AOPEP: variants seen among roughly 807,000 people sequenced by gnomAD.
The protein encoded by AOPEP is aminopeptidase O.
Under a neutral mutation model 98.1 loss-of-function variants are expected in AOPEP, and 77 were observed. The observed-to-expected ratio is 0.78, with a 90% CI of 0.65 to 0.95. AOPEP has a LOEUF of 0.95. AOPEP is among the 40% of genes least tolerant of loss of function. The pLI is 0.00. For missense variants in AOPEP, 1,024 were observed against 1,024.7 expected (o/e 1.00, Z 0.01); for synonymous variants, 346 against 365.3 (o/e 0.95, Z 0.60).
intron 5 of AOPEP, among the ~76,000 whole-genome samples, chr9:94,845,665 T>C (rs1443197733): frequency 6.6e-6 from 1 of 152,066 alleles, no homozygotes; most frequent in East Asian, 1.9e-4. Context: ...TGTTGGGATT[T>C]TGGAGTGGTT....
intron 3 of AOPEP, 134 bp downstream of exon 3, chr9:94,773,302 C>T (rs546510033): frequency 6.6e-4 from 500 of 760,104 alleles, no homozygotes; most frequent in Non-Finnish European, 9.1e-4. Flanking sequence ...TATAAAACAT[C>T]CTGCCAGGGA....
intron 5 of AOPEP, among the ~76,000 whole-genome samples, chr9:94,808,311 A>G (rs972424098): frequency 1.3e-5 from 2 of 152,214 alleles, no homozygotes; most frequent in African/African-American, 4.8e-5. Flanking sequence ...AAGTGCTGGG[A>G]TTACAGGCGT....
At chr9:94,748,182 T>C (rs577738696) in intron 1 of AOPEP, among the ~76,000 whole-genome samples, 28 of 152,210 alleles carry the variant, frequency 1.8e-4, no homozygotes, top group Admixed American at 3.3e-4. Flanking sequence ...TTCACTGTTT[T>C]CTGTGGCCTT....
chr9:94,980,132 C>T lies in AOPEP; in HGVS notation c.1977+705C>T, dbSNP rs1299553367. The stretch of plus-strand genomic sequence containing the variant: ...TCACCTGGCCTGGAGCTCCTCTCCC[C>T]GTCCACTCTCCTCTGGCCCTGTGCC... On this transcript the variant is annotated intron_variant, in intron 11 of 16. Coordinates refer to ENST00000375315, the MANE Select transcript of AOPEP (RefSeq NM_001193329.3). The surrounding 1 kb of genome is among the most constrained non-coding windows in gnomAD (Gnocchi z 4.3). 1.3e-5 allele frequency among the ~76,000 whole-genome samples: 2 copies of T among 152,254 alleles called. No individual in the cohort carries two copies. Among genetic ancestry groups the T allele is most frequent in the Non-Finnish European group, 2.9e-5 (2 of 68,044 alleles).
intron 14 of AOPEP, chr9:95,061,110 C>T (rs190567245): frequency 4.5e-5 from 11 of 242,254 alleles, no homozygotes; most frequent in East Asian, 9.7e-5. Flanking sequence ...TGCCCACTGA[C>T]GGTGGTGCCA....
chr9:94,828,976 C>T (rs977926791), intron 5 of AOPEP, among the ~76,000 whole-genome samples: 3 of 151,742 alleles, frequency 2.0e-5, no homozygotes, highest in Admixed American at 2.0e-4. Flanking sequence ...TCAGGTGATT[C>T]TCCTGCCTCA....
the AOPEP span, chr9:95,107,156 A>G: frequency 6.2e-7 from 1 of 1,614,164 alleles, no homozygotes. Context: ...GTTGTGCAGG[A>G]GCTCTGAGGT....
At chr9:94,808,997 T>C (rs1033366036) in intron 5 of AOPEP, among the ~76,000 whole-genome samples, 1 of 152,228 alleles carries the variant, frequency 6.6e-6, no homozygotes, top group Admixed American at 6.5e-5. Context: ...GAACATCCTA[T>C]TGAAAGCGCA....
chr9:94,891,301 A>G (rs932221631), intron 5 of AOPEP, among the ~76,000 whole-genome samples: 2 of 152,086 alleles, frequency 1.3e-5, no homozygotes, highest in Non-Finnish European at 2.9e-5. Context: ...GTCACTTTCA[A>G]CCTACCTATG....
intron 13 of AOPEP, among the ~76,000 whole-genome samples, chr9:95,055,510 C>T (rs1001498468): frequency 5.3e-5 from 8 of 152,216 alleles, no homozygotes; most frequent in African/African-American, 1.9e-4. Flanking sequence ...TGGAAGATGA[C>T]TTAGTTTATA....
chr9:95,101,918 A>G, the AOPEP span: 1 of 1,578,854 alleles, frequency 6.3e-7, no homozygotes, highest in Non-Finnish European at 8.7e-7. Flanking sequence ...TTGTCCAGGG[A>G]CGGACCATAA....
intron 3 of AOPEP, among the ~76,000 whole-genome samples, chr9:94,774,387 A>G (rs904431209): frequency 6.6e-6 from 1 of 151,622 alleles, no homozygotes; most frequent in Non-Finnish European, 1.5e-5. Context: ...ACAGAAAACT[A>G]AAAATAAATT....
chr9:95,090,336 G>T (rs1359856924), downstream of AOPEP, among the ~76,000 whole-genome samples: 1 of 152,266 alleles, frequency 6.6e-6, no homozygotes, highest in Non-Finnish European at 1.5e-5. Context: ...TGAGGCCGCA[G>T]AGATGCCAGT....
At chr9:95,080,882 A>G in intron 15 of AOPEP, 102 bp downstream of exon 15, 1 of 844,180 alleles carries the variant, frequency 1.2e-6, no homozygotes, top group East Asian at 2.5e-5. Flanking sequence ...AAATAATTAA[A>G]TCTGTTACAG....
chr9:94,998,657 C>T (rs2061380153), intron 11 of AOPEP, among the ~76,000 whole-genome samples: 1 of 152,212 alleles, frequency 6.6e-6, no homozygotes, highest in Non-Finnish European at 1.5e-5. Context: ...CGGCTGTGTG[C>T]TCCTTATACC....
rs72747030 is a variant in AOPEP, at chr9:94,755,082, A to C, written c.-135-4567A>C. Among the ~76,000 whole-genome samples, 808 of 151,598 alleles carry C rather than the reference A, an allele frequency of 5.3e-3. 12 individuals carry two copies. Among genetic ancestry groups the C allele is most frequent in the South Asian group, 0.044 (212 of 4,786 alleles). On this transcript the variant is annotated intron_variant, in intron 1 of 16. Coordinates refer to ENST00000375315, the MANE Select transcript of AOPEP (RefSeq NM_001193329.3). Reference sequence around the variant, plus strand: ...AAAATACATACCACATAGCACACTTATTTTTTCTTTTTTTTTTAGCACACT... The same window carrying C: ...AAAATACATACCACATAGCACACTTCTTTTTTCTTTTTTTTTTAGCACACT...
chr9:94,970,050 G>A (rs1290088523), intron 10 of AOPEP, among the ~76,000 whole-genome samples: 2 of 152,200 alleles, frequency 1.3e-5, no homozygotes, highest in African/African-American at 4.8e-5. Flanking sequence ...TCATGAGGAC[G>A]TGGAGGTTTT....
At chr9:94,921,881 C>T (rs1443654486) in intron 5 of AOPEP, among the ~76,000 whole-genome samples, 1 of 152,100 alleles carries the variant, frequency 6.6e-6, no homozygotes, top group East Asian at 1.9e-4. Flanking sequence ...CAGACTTGGC[C>T]TCCCTCAGAG....
intron 5 of AOPEP, among the ~76,000 whole-genome samples, chr9:94,838,694 C>T (rs908872681): frequency 1.3e-5 from 2 of 152,124 alleles, no homozygotes; most frequent in African/African-American, 4.8e-5. Flanking sequence ...ACATCTTGAC[C>T]ATGGTTATTC....
Sources: gnomAD v4.1 joint callset for allele counts (sites outside exome capture counted in the v4.1 genomes callset) on GRCh38, gnomAD v4.1.1 for gene constraint, Gnocchi (gnomAD v3.1) non-coding constraint, MANE v1.5 for transcripts, NCBI Gene and HGNC (gene_info 2026-07-23, HGNC 2026-07-21) for gene names.